The following RPS6KA5 variants were observed in gnomAD, a reference collection of about 807,000 sequenced individuals.
RPS6KA5 encodes ribosomal protein S6 kinase alpha-5.
Under a neutral mutation model 85.5 loss-of-function variants are expected in RPS6KA5, and 27 were observed. The observed-to-expected ratio is 0.32, with a 90% CI of 0.23 to 0.44. The LOEUF (loss-of-function observed/expected upper bound fraction) is 0.44. Among genes scored for constraint, RPS6KA5 ranks in the 20% least tolerant of loss-of-function variants. The pLI, the probability that RPS6KA5 is intolerant of heterozygous loss-of-function variation, is 1.00. For synonymous variants in RPS6KA5, 334 were observed against 348.2 expected, an observed-to-expected ratio of 0.96 and a Z score of 0.46; for missense variants, 811 against 980.9, an observed-to-expected ratio of 0.83 and a Z score of 2.31.
Position 91,056,867 on chromosome 14 carries a change from C to CTTTTTTTTTTTT in RPS6KA5, c.103+3453_103+3464dup, listed in dbSNP as rs34807092. ...ACTGTTATACTTAAGGCAGTATTAT[C>CTTTTTTTTTTTT]TTTTTTTTTTTTTTTTTTTTTTTTT... is the stretch of plus-strand genomic sequence containing the variant. On this transcript the variant is annotated intron_variant, in intron 1 of 16. Coordinates refer to ENST00000614987, the MANE Select transcript of RPS6KA5 (RefSeq NM_004755.4). Among the ~76,000 whole-genome samples the CTTTTTTTTTTTT allele has an allele frequency of 4.1e-4, 16 of 38,874 alleles. 1 individual carries two copies. The highest frequency in any genetic ancestry group is 1.6e-3 in the South Asian group (1 of 620). The allele number at this position is 38,874 out of a possible 152,430, so 25.5% of individuals were successfully genotyped here.
intron 12 of RPS6KA5, among the ~76,000 whole-genome samples, chr14:90,896,198 G>A (rs1429425978): frequency 6.6e-6 from 1 of 152,178 alleles, no homozygotes; most frequent in African/African-American, 2.4e-5. Flanking sequence ...AGTTGAGCTT[G>A]CAGGTCTGCT....
intron 3 of RPS6KA5, among the ~76,000 whole-genome samples, chr14:90,971,137 T>C (rs1343968737): frequency 6.6e-6 from 1 of 151,956 alleles, no homozygotes; most frequent in Non-Finnish European, 1.5e-5. Context: ...GCCAGCATGG[T>C]GAAACCCTGT....
intron 5 of RPS6KA5, among the ~76,000 whole-genome samples, chr14:90,938,317 C>T (rs1183035777): frequency 2.0e-5 from 3 of 152,194 alleles, no homozygotes; most frequent in Non-Finnish European, 2.9e-5. Flanking sequence ...GGGTACAGTC[C>T]CCCTCCTGGC....
chr14:90,900,400 C>A (rs1445936706), intron 10 of RPS6KA5, among the ~76,000 whole-genome samples, 159 bp from the exon 11 acceptor site: 1 of 152,006 alleles, frequency 6.6e-6, no homozygotes, highest in African/African-American at 2.4e-5. Context: ...CTATTTTCAT[C>A]TAAATAATTA....
intron 1 of RPS6KA5, among the ~76,000 whole-genome samples, chr14:91,059,438 T>G (rs1328025898): frequency 6.6e-6 from 1 of 151,674 alleles, no homozygotes; most frequent in Non-Finnish European, 1.5e-5. Flanking sequence ...CTCATTAAAA[T>G]GTACTATCTG....
chr14:91,049,557 G>A (rs761338359), intron 1 of RPS6KA5, among the ~76,000 whole-genome samples: 5 of 152,176 alleles, frequency 3.3e-5, no homozygotes, highest in African/African-American at 4.8e-5. Context: ...GGAGCTTGCC[G>A]TGAGCTGAGA....
intron 1 of RPS6KA5, among the ~76,000 whole-genome samples, chr14:91,035,092 A>G (rs77537438): frequency 0.015 from 2,255 of 152,214 alleles, 53 homozygotes; most frequent in African/African-American, 0.052. Context: ...AGCTATATGG[A>G]AAGACTTCAA....
chr14:90,956,114 A>G (rs922554225), intron 3 of RPS6KA5, among the ~76,000 whole-genome samples: 4 of 152,252 alleles, frequency 2.6e-5, no homozygotes, highest in Non-Finnish European at 5.9e-5. Flanking sequence ...GGGGATGCAT[A>G]TAAGTTACAT....
At chr14:90,872,898 A>G (rs1396878736) in intron 16 of RPS6KA5, among the ~76,000 whole-genome samples, 1 of 152,220 alleles carries the variant, frequency 6.6e-6, no homozygotes, top group Non-Finnish European at 1.5e-5. Flanking sequence ...TACACCTTGT[A>G]GTTGTCACCT....
intron 3 of RPS6KA5, among the ~76,000 whole-genome samples, chr14:90,970,748 CTTG>C (rs1268688272): frequency 6.6e-6 from 1 of 152,024 alleles, no homozygotes; most frequent in Non-Finnish European, 1.5e-5. Context: ...TTTTATATCT[CTTG>C]TTGTAACCAT....
Position 90,866,475 on chromosome 14 carries a change from G to A in RPS6KA5, c.*5599C>T, listed in dbSNP as rs1302745755. On this transcript the variant is annotated 3_prime_UTR_variant, in exon 17 of 17. Transcript: ENST00000614987. The stretch of plus-strand genomic sequence containing the variant: ...AGAGTGAGACCCTGTCTCACACAAA[G>A]GCAACTCATTTGAGCTGAGGCTTGG... 6.6e-6 allele frequency: 1 copy of A among 152,074 alleles called. No individual in the cohort carries two copies. Among genetic ancestry groups the A allele is most frequent in the Admixed American group, 6.6e-5 (1 of 15,264 alleles). The allele number at this position is 152,074 out of a possible 1,614,324, so 9.4% of individuals were successfully genotyped here. A position where few individuals can be genotyped will look rare whatever the true frequency, so the allele number is the denominator to read the frequency against.
At chr14:91,021,684 A>AT (rs1394032632) in intron 1 of RPS6KA5, among the ~76,000 whole-genome samples, 1 of 152,164 alleles carries the variant, frequency 6.6e-6, no homozygotes, top group Non-Finnish European at 1.5e-5. Flanking sequence ...AAGTGCTGGG[A>AT]TTACAGGCAT....
chr14:91,008,377 T>G (rs1482861690), intron 1 of RPS6KA5, among the ~76,000 whole-genome samples: 1 of 152,182 alleles, frequency 6.6e-6, no homozygotes, highest in East Asian at 1.9e-4. Context: ...AAATAAGATA[T>G]GAGAAATGTA....
At chr14:90,983,772 CCTTT>C (rs1182981103) in intron 2 of RPS6KA5, among the ~76,000 whole-genome samples, 20 of 146,072 alleles carry the variant, frequency 1.4e-4, no homozygotes, top group South Asian at 6.6e-4. Flanking sequence ...TTCTTTCTTT[CCTTT>C]CTTTCTTTCT....
At chr14:90,885,552 CAAAAAAAAAAAAAAAAA>C (rs780292114) in intron 14 of RPS6KA5, among the ~76,000 whole-genome samples, 381 of 19,808 alleles carry the variant, frequency 0.019, 1 homozygote, top group Middle Eastern at 0.032. Context: ...GACTCCGTCT[CAAAAAAAAAAAAAAAAA>C]AAAAAAAAAA....
At chr14:90,963,885 G>A (rs1364700626) in intron 3 of RPS6KA5, among the ~76,000 whole-genome samples, 1 of 152,166 alleles carries the variant, frequency 6.6e-6, no homozygotes, top group Non-Finnish European at 1.5e-5. Context: ...GGCTTGGCTG[G>A]TGCACAGGTA....
intron 3 of RPS6KA5, among the ~76,000 whole-genome samples, chr14:90,963,149 G>A (rs2038892219): frequency 6.6e-6 from 1 of 152,126 alleles, no homozygotes; most frequent in African/African-American, 2.4e-5. Flanking sequence ...CTTTGAAGAG[G>A]ACAGACCTGA....
intron 3 of RPS6KA5, among the ~76,000 whole-genome samples, chr14:90,966,710 G>C (rs907492600): frequency 5.3e-5 from 8 of 152,172 alleles, no homozygotes; most frequent in African/African-American, 1.9e-4. Flanking sequence ...ACAGGGTCTA[G>C]CCCTATCGAA....
intron 5 of RPS6KA5, among the ~76,000 whole-genome samples, chr14:90,925,730 A>G (rs1038547009): frequency 3.9e-5 from 6 of 151,952 alleles, no homozygotes; most frequent in African/African-American, 1.2e-4. Context: ...GACATAAAAT[A>G]AGACAGCCTG....
Sources: gnomAD v4.1 joint callset for allele counts (sites outside exome capture counted in the v4.1 genomes callset) on GRCh38, gnomAD v4.1.1 for gene constraint, MANE v1.5 for transcripts, NCBI Gene and HGNC (gene_info 2026-07-23, HGNC 2026-07-21) for gene names.